The following SLC15A5 variants were observed in gnomAD, a reference collection of about 807,000 sequenced individuals.
The protein encoded by SLC15A5 is solute carrier family 15 member 5.
SLC15A5 carries 58 observed loss-of-function variants against 56.1 expected under a neutral mutation model. That is an observed-to-expected ratio of 1.03 (90% confidence interval 0.84 to 1.29). SLC15A5 has a LOEUF of 1.29. SLC15A5 is among the 50% of genes most tolerant of loss of function. The pLI is 0.00. For missense variants in SLC15A5, 681 were observed against 672.1 expected, an observed-to-expected ratio of 1.01 and a Z score of -0.15; for synonymous variants, 264 against 250.5, an observed-to-expected ratio of 1.05 and a Z score of -0.51.
At chr12:16,224,716 G>T in intron 5 of SLC15A5, 114 bp from the exon 6 acceptor site, 5 of 1,120,578 alleles carry the variant, frequency 4.5e-6, no homozygotes, top group South Asian at 1.9e-5. Flanking sequence ...TTGTTTGTTT[G>T]TTTTTATTTT....
intron 7 of SLC15A5, among the ~76,000 whole-genome samples, chr12:16,199,456 A>C (rs1005735780): frequency 1.4e-4 from 22 of 152,204 alleles, no homozygotes; most frequent in African/African-American, 4.8e-4. Flanking sequence ...AGAAAATAGT[A>C]ATAGCTTTTG....
At chr12:16,228,041 G>A (rs1404075560) in intron 5 of SLC15A5, among the ~76,000 whole-genome samples, 1 of 152,188 alleles carries the variant, frequency 6.6e-6, no homozygotes, top group Non-Finnish European at 1.5e-5. Context: ...ATGAATCCAG[G>A]TGACTGGAAA....
intron 2 of SLC15A5, among the ~76,000 whole-genome samples, chr12:16,259,897 C>CGGGGGG (rs148955043): frequency 2.1e-4 from 29 of 140,984 alleles, no homozygotes; most frequent in East Asian, 1.1e-3. Flanking sequence ...TGACACCACC[C>CGGGGGG]GGGCGGGGGG....
chr12:16,245,839 C>A (rs974923820), intron 3 of SLC15A5, among the ~76,000 whole-genome samples: 1 of 152,074 alleles, frequency 6.6e-6, no homozygotes, highest in Non-Finnish European at 1.5e-5. Context: ...AAAATGCATT[C>A]TAATGAAATT....
chr12:16,223,218 G>A (rs1864205630), intron 6 of SLC15A5, among the ~76,000 whole-genome samples: 1 of 152,090 alleles, frequency 6.6e-6, no homozygotes, highest in Non-Finnish European at 1.5e-5. Flanking sequence ...AGACACAGAT[G>A]GAATGGTTAG....
At chr12:16,232,313 A>G (rs1864306790) in intron 5 of SLC15A5, among the ~76,000 whole-genome samples, 1 of 152,228 alleles carries the variant, frequency 6.6e-6, no homozygotes, top group Non-Finnish European at 1.5e-5. Flanking sequence ...GGCAATAACA[A>G]TAAAAATCAA....
intron 8 of SLC15A5, among the ~76,000 whole-genome samples, chr12:16,194,026 A>G (rs1379114215): frequency 1.3e-5 from 2 of 151,946 alleles, no homozygotes; most frequent in African/African-American, 4.8e-5. Context: ...GTTTAATGGT[A>G]TTTGCTTTTA....
chr12:16,217,078 T>G (rs1042660709), intron 6 of SLC15A5, 54 bp from the exon 7 acceptor site: 5 of 1,475,280 alleles, frequency 3.4e-6, no homozygotes, highest in Non-Finnish European at 4.5e-6. Context: ...AATGCTTTCA[T>G]AGAGACTGTT....
intron 7 of SLC15A5, among the ~76,000 whole-genome samples, chr12:16,213,678 A>T (rs970898313): frequency 1.3e-5 from 2 of 152,214 alleles, no homozygotes; most frequent in African/African-American, 4.8e-5. Context: ...ACACAATATT[A>T]TTATAAACCA....
At chr12:16,232,925 AAAAG>A (rs751085898) in intron 5 of SLC15A5, among the ~76,000 whole-genome samples, 125 of 151,968 alleles carry the variant, frequency 8.2e-4, no homozygotes, top group Middle Eastern at 3.4e-3. Context: ...AAAAAAGAAA[AAAAG>A]AAAGAGAGAG....
intron 5 of SLC15A5, among the ~76,000 whole-genome samples, chr12:16,228,698 C>T (rs1864267159): frequency 6.6e-6 from 1 of 152,162 alleles, no homozygotes; most frequent in African/African-American, 2.4e-5. Context: ...AGTTAAAGAC[C>T]TCTGTGATGA....
intron 7 of SLC15A5, among the ~76,000 whole-genome samples, chr12:16,202,565 C>A (rs1382959462): frequency 6.6e-6 from 1 of 151,992 alleles, no homozygotes; most frequent in African/African-American, 2.4e-5. Flanking sequence ...ATAGCATTAC[C>A]ATAGCATTAC....
chr12:16,275,129 G>T (rs1377397660), intron 1 of SLC15A5, among the ~76,000 whole-genome samples: 1 of 152,018 alleles, frequency 6.6e-6, no homozygotes, highest in Non-Finnish European at 1.5e-5. Flanking sequence ...GGATGCAATC[G>T]TATAAGTATT....
rs1864521596 is a variant in SLC15A5, at chr12:16,251,785, A to G, written c.754+5916T>C. On this transcript the variant is annotated intron_variant, in intron 3 of 8. Transcript: ENST00000344941. The stretch of plus-strand genomic sequence containing the variant: ...CTGTTTTTCTTCAACTCTTCCAAAG[A>G]CTCTAAAAAGAGAAACATTCCCAAC... 1.0e-4 allele frequency among the ~76,000 whole-genome samples: 3 copies of G among 29,866 alleles called. No homozygotes were observed. In the Admixed American group the frequency reaches 1.5e-3, roughly 15 times the overall value. The allele number at this position is 29,866 out of a possible 152,430, so 19.6% of individuals were successfully genotyped here.
chr12:16,191,744 G>A (rs1863840112), intron 8 of SLC15A5, among the ~76,000 whole-genome samples: 1 of 152,002 alleles, frequency 6.6e-6, no homozygotes, highest in Non-Finnish European at 1.5e-5. Context: ...TTCTGACTTG[G>A]CCTGTCCAAT....
rs1048009734 is a variant in SLC15A5 at position 16,239,726 on chromosome 12, G to C, written c.1117C>G (p.Leu373Val). Residue 373 changes from leucine to valine, a missense_variant, in exon 5 of 9, where the codon CTG becomes GTG. Leu to Val is a conservative substitution (Grantham distance 32). Coordinates refer to ENST00000344941, the MANE Select transcript of SLC15A5 (RefSeq NM_001170798.1). Reference protein sequence around the residue: ...APFLEYFSTCLFPSKRVGSFL... With the variant: ...APFLEYFSTCVFPSKRVGSFL... ...GATCCAACTCTCTTAGAGGGAAACA[G>C]GCAGGTGCTGAAATACTCCAGAAAA... The C allele has an allele frequency of 1.2e-5, 18 of 1,537,272 alleles. No individual in the cohort carries two copies. The Admixed American group carries it at 3.5e-4, about 30-fold the overall frequency.
intron 8 of SLC15A5, among the ~76,000 whole-genome samples, chr12:16,191,155 T>C (rs1863835030): frequency 6.6e-6 from 1 of 152,120 alleles, no homozygotes; most frequent in Admixed American, 6.6e-5. Flanking sequence ...TTCAGTTTCT[T>C]TGATGTGGTA....
chr12:16,210,106 T>C (rs1385196201), intron 7 of SLC15A5, among the ~76,000 whole-genome samples: 2 of 152,208 alleles, frequency 1.3e-5, no homozygotes, highest in African/African-American at 2.4e-5. Context: ...CTTATGCACC[T>C]ATCAATTCTT....
intron 5 of SLC15A5, among the ~76,000 whole-genome samples, chr12:16,236,002 T>C (rs1408919160): frequency 6.6e-6 from 1 of 152,162 alleles, no homozygotes; most frequent in African/African-American, 2.4e-5. Flanking sequence ...ATTGCAGTTA[T>C]GTGAATATAT....
Sources: allele counts gnomAD v4.1 joint callset (sites outside exome capture counted in the v4.1 genomes callset), GRCh38; gene constraint gnomAD v4.1.1; transcripts MANE v1.5; gene names NCBI Gene and HGNC (gene_info 2026-07-23, HGNC 2026-07-21).